DNAI3: variants seen among roughly 807,000 people sequenced by gnomAD.
DNAI3 encodes dynein axonemal intermediate chain 3.
In DNAI3, 83 loss-of-function variants were observed where a neutral mutation model predicts 115.5. The observed-to-expected ratio is 0.72, with a 90% CI of 0.60 to 0.86. The LOEUF (loss-of-function observed/expected upper bound fraction) is 0.86, where lower values mean the gene tolerates loss of function less well. DNAI3 is among the 40% of genes least tolerant of loss of function. DNAI3 has a pLI of 0.00. For missense variants in DNAI3, 1,004 were observed against 1,075.8 expected, an observed-to-expected ratio of 0.93 and a Z score of 0.93; for synonymous variants, 320 against 347.0, an observed-to-expected ratio of 0.92 and a Z score of 0.86.
intron 12 of DNAI3, among the ~76,000 whole-genome samples, chr1:85,098,184 A>G (rs1655184210): frequency 6.6e-6 from 1 of 152,212 alleles, no homozygotes; most frequent in African/African-American, 2.4e-5. Flanking sequence ...ACTCCAGCCC[A>G]GTTCTTCAGC....
chr1:85,079,668 AC>A (rs1309121739), intron 3 of DNAI3, among the ~76,000 whole-genome samples: 20 of 152,252 alleles, frequency 1.3e-4, no homozygotes, highest in Middle Eastern at 3.4e-3. Flanking sequence ...GGATAAAAAA[AC>A]AGGAAGAAGG....
intron 17 of DNAI3, among the ~76,000 whole-genome samples, chr1:85,121,023 A>G (rs1278400670): frequency 6.6e-6 from 1 of 152,170 alleles, no homozygotes; most frequent in Non-Finnish European, 1.5e-5. Flanking sequence ...AAACAATGGA[A>G]TTAGGAGATC....
At position 85,084,651 on chromosome 1, in the gene DNAI3, GA is replaced by G; in HGVS notation, c.501del (p.Glu168LysfsTer17). ...TAAACCATGGGTTTCTTTGGGCAGT[GA>G]AAAAGAAATTGAGGAAGAATCAGTT... is the stretch of plus-strand genomic sequence containing the variant. ...VSKPWVSLGS[E>X]KEIEEESVTE... On this transcript the variant is annotated frameshift_variant, in exon 6 of 23. Coordinates refer to ENST00000294664, the MANE Select transcript of DNAI3 (RefSeq NM_145172.5). LOFTEE classifies it high-confidence loss of function. 2 of 1,557,282 alleles carry G rather than the reference GA, an allele frequency of 1.3e-6. No individual in the cohort carries two copies. Among genetic ancestry groups the G allele is most frequent in the South Asian group, 1.2e-5 (1 of 81,814 alleles).
chr1:85,063,830 G>A (rs150029784), intron 1 of DNAI3, among the ~76,000 whole-genome samples: 101 of 152,238 alleles, frequency 6.6e-4, no homozygotes, highest in African/African-American at 2.4e-3. Context: ...GAGGATTCAG[G>A]GAGGAGAATC....
chr1:85,102,444 G>T (rs911039490), intron 13 of DNAI3, among the ~76,000 whole-genome samples: 4 of 151,896 alleles, frequency 2.6e-5, no homozygotes, highest in Non-Finnish European at 4.4e-5. Context: ...ATAAGCAAAA[G>T]ACATATAAAA....
chr1:85,117,937 T>C, intron 17 of DNAI3, 78 bp downstream of exon 17: 2 of 1,518,742 alleles, frequency 1.3e-6, no homozygotes, highest in Non-Finnish European at 1.8e-6. Context: ...ACTGTACATT[T>C]TTGCTGTGTA....
chr1:85,097,754 A>G, intron 12 of DNAI3, 99 bp downstream of exon 12: 1 of 988,752 alleles, frequency 1.0e-6, no homozygotes, highest in Non-Finnish European at 1.4e-6. Context: ...AACTCAAGAG[A>G]AAAAAGGAAA....
At chr1:85,132,816 G>A (rs745405518) in intron 22 of DNAI3, 39 bp from the exon 23 acceptor site, 2 of 1,584,222 alleles carry the variant, frequency 1.3e-6, no homozygotes, top group Admixed American at 1.8e-5. Flanking sequence ...TTAGATATCA[G>A]TGTTTTATAG....
rs1404804840 is a variant in DNAI3, at chr1:85,093,542, T to C, written c.942T>C (p.Phe314=). ...WKYLAEEEGT[F]GDKTDTHLKE... ...ACCTCGCAGAAGAAGAAGGCACCTT[T>C]GGGGACAAGACCGATACCCACCTGA... is the stretch of plus-strand genomic sequence containing the variant. The change falls in exon 9 of 23, where the codon TTT becomes TTC. Residue 314 remains phenylalanine, a synonymous_variant. Coordinates refer to ENST00000294664, the MANE Select transcript of DNAI3 (RefSeq NM_145172.5). 6.2e-7 allele frequency: 1 copy of C among 1,614,036 alleles called. No homozygotes were observed. Among genetic ancestry groups the C allele is most frequent in the Non-Finnish European group, 8.5e-7 (1 of 1,180,022 alleles).
intron 3 of DNAI3, among the ~76,000 whole-genome samples, chr1:85,079,198 G>A (rs749324619): frequency 6.6e-6 from 1 of 152,114 alleles, no homozygotes; most frequent in Non-Finnish European, 1.5e-5. Flanking sequence ...TACTTGATTC[G>A]AATCAAGTCA....
At chr1:85,071,723 A>G (rs1654281187) in intron 1 of DNAI3, among the ~76,000 whole-genome samples, 1 of 152,240 alleles carries the variant, frequency 6.6e-6, no homozygotes, top group Admixed American at 6.5e-5. Flanking sequence ...CTCCACCAGA[A>G]CAGTAAGATC....
chr1:85,096,894 G>A (rs563177757), intron 11 of DNAI3, among the ~76,000 whole-genome samples: 15 of 151,966 alleles, frequency 9.9e-5, no homozygotes, highest in Non-Finnish European at 1.8e-4. Flanking sequence ...TGCAAATCCC[G>A]AAATGCCTTT....
At chr1:85,106,876 G>A (rs1006073887) in intron 14 of DNAI3, among the ~76,000 whole-genome samples, 3 of 152,068 alleles carry the variant, frequency 2.0e-5, no homozygotes, top group Non-Finnish European at 4.4e-5. Flanking sequence ...ATATACAAAC[G>A]TTTAAAATGG....
intron 22 of DNAI3, among the ~76,000 whole-genome samples, chr1:85,131,586 G>T (rs1195455731): frequency 6.6e-6 from 1 of 151,998 alleles, no homozygotes; most frequent in Non-Finnish European, 1.5e-5. Context: ...AAACATGTTT[G>T]GTGACAAAGT....
chr1:85,104,686 A>T, intron 14 of DNAI3, 89 bp downstream of exon 14: 5 of 1,000,884 alleles, frequency 5.0e-6, no homozygotes, highest in Non-Finnish European at 7.7e-6. Context: ...TCTTCTCCTT[A>T]ATATTTATGG....
At chr1:85,067,620 GA>G (rs1385422667) in intron 1 of DNAI3, among the ~76,000 whole-genome samples, 1 of 152,188 alleles carries the variant, frequency 6.6e-6, no homozygotes, top group Non-Finnish European at 1.5e-5. Context: ...AGTCACAGAT[GA>G]AATTAAGATC....
At chr1:85,115,748 G>A (rs1016070452) in intron 16 of DNAI3, among the ~76,000 whole-genome samples, 31 of 152,066 alleles carry the variant, frequency 2.0e-4, no homozygotes, top group Admixed American at 4.6e-4. Flanking sequence ...CATAAGGAGC[G>A]TGCAACCTAG....
At chr1:85,087,919 G>GAA (rs1424607567) in intron 7 of DNAI3, among the ~76,000 whole-genome samples, 5 of 151,888 alleles carry the variant, frequency 3.3e-5, no homozygotes, top group African/African-American at 9.7e-5. Context: ...TAAAGTCAGG[G>GAA]CATATATATA....
At chr1:85,073,371 G>T (rs1654346602) in intron 3 of DNAI3, among the ~76,000 whole-genome samples, 1 of 152,176 alleles carries the variant, frequency 6.6e-6, no homozygotes, top group Non-Finnish European at 1.5e-5. Flanking sequence ...TTATAAGCCT[G>T]CAACTTATGA....
Sources: gnomAD v4.1 joint callset for allele counts (sites outside exome capture counted in the v4.1 genomes callset) on GRCh38, gnomAD v4.1.1 for gene constraint, MANE v1.5 for transcripts, NCBI Gene and HGNC (gene_info 2026-07-23, HGNC 2026-07-21) for gene names.